The following COL25A1 variants were observed in gnomAD, a reference collection of about 807,000 sequenced individuals.
The protein encoded by COL25A1 is collagen type XXV alpha 1 chain.
A neutral mutation model predicts 128.4 loss-of-function variants in COL25A1; 103 were observed. The observed-to-expected ratio is 0.80, with a 90% CI of 0.68 to 0.94. The LOEUF is 0.94. COL25A1 is among the 40% of genes least tolerant of loss of function. COL25A1 has a pLI of 0.00. For missense variants in COL25A1, 745 were observed against 840.0 expected (o/e 0.89, Z 1.40); for synonymous variants, 279 against 277.2 (o/e 1.01, Z -0.06).
intron 19 of COL25A1, among the ~76,000 whole-genome samples, chr4:108,873,989 G>A (rs1198102001): frequency 6.6e-6 from 1 of 152,006 alleles, no homozygotes; most frequent in Non-Finnish European, 1.5e-5. Flanking sequence ...CTCCTAAAAT[G>A]TCTAGGCAAA....
rs138792346 is a variant in COL25A1, at chr4:108,976,698, C to T, written c.439-2139G>A. ...TAGGGGCCAGTGGAGGCTGCTATGT[C>T]ACTGCAGGTGGGAACGTAGCAATGC... On this transcript the variant is annotated intron_variant, in intron 6 of 37. Coordinates refer to ENST00000399132, the MANE Select transcript of COL25A1 (RefSeq NM_198721.4). Among the ~76,000 whole-genome samples, 17 of 152,330 alleles carry T rather than the reference C, an allele frequency of 1.1e-4. No homozygotes were observed. In the East Asian group the frequency reaches 3.3e-3, roughly 29 times the overall value.
At chr4:109,209,351 T>C (rs1218398008) in intron 3 of COL25A1, among the ~76,000 whole-genome samples, 1 of 151,712 alleles carries the variant, frequency 6.6e-6, no homozygotes, top group African/African-American at 2.4e-5. Flanking sequence ...AAAATGAGAG[T>C]TCCTAACATG....
chr4:109,095,879 C>T (rs1049534759), intron 3 of COL25A1, among the ~76,000 whole-genome samples: 3 of 152,046 alleles, frequency 2.0e-5, no homozygotes, highest in Non-Finnish European at 4.4e-5. Flanking sequence ...GTCCACAGCA[C>T]AAAATTAATC....
chr4:109,027,255 C>T (rs1758384704), intron 5 of COL25A1, among the ~76,000 whole-genome samples: 1 of 151,916 alleles, frequency 6.6e-6, no homozygotes, highest in African/African-American at 2.4e-5. Context: ...AATGGGAGGG[C>T]GCTATTTTAC....
At chr4:109,281,749 A>G (rs558378375) in intron 3 of COL25A1, among the ~76,000 whole-genome samples, 47 of 152,338 alleles carry the variant, frequency 3.1e-4, no homozygotes, top group African/African-American at 1.1e-3. Flanking sequence ...TGTTTATTCC[A>G]TGGTTATTAA....
chr4:109,000,699 T>C (rs1250761543), intron 6 of COL25A1, among the ~76,000 whole-genome samples: 1 of 135,958 alleles, frequency 7.4e-6, no homozygotes, highest in Non-Finnish European at 1.5e-5. Context: ...TGAGCCGATA[T>C]TGTGCCACTG....
At chr4:109,069,709 G>A (rs1762752851) in intron 3 of COL25A1, among the ~76,000 whole-genome samples, 1 of 152,082 alleles carries the variant, frequency 6.6e-6, no homozygotes, top group Non-Finnish European at 1.5e-5. Flanking sequence ...AACACTTTCT[G>A]GGCTCTCTGT....
At chr4:109,155,623 C>T (rs1407470357) in intron 3 of COL25A1, among the ~76,000 whole-genome samples, 1 of 152,180 alleles carries the variant, frequency 6.6e-6, no homozygotes, top group East Asian at 1.9e-4. Context: ...AATCTTAGAT[C>T]ATATCCTGTC....
At chr4:109,133,472 A>G (rs1340519080) in intron 3 of COL25A1, among the ~76,000 whole-genome samples, 1 of 152,172 alleles carries the variant, frequency 6.6e-6, no homozygotes, top group African/African-American at 2.4e-5. Flanking sequence ...AAATATCCAC[A>G]GTACAAATTA....
intron 3 of COL25A1, among the ~76,000 whole-genome samples, chr4:109,266,046 T>C (rs1781771564): frequency 6.6e-6 from 1 of 152,142 alleles, no homozygotes; most frequent in Admixed American, 6.6e-5. Context: ...AGGTCGACTC[T>C]TGAGGACTAA....
chr4:109,294,409 A>C (rs1184560087), intron 3 of COL25A1, among the ~76,000 whole-genome samples: 1 of 152,126 alleles, frequency 6.6e-6, no homozygotes, highest in African/African-American at 2.4e-5. Flanking sequence ...TAAAACAGTC[A>C]ATTTTAAAAT....
At chr4:109,201,240 T>TA (rs2126181346) in intron 3 of COL25A1, among the ~76,000 whole-genome samples, 1 of 152,294 alleles carries the variant, frequency 6.6e-6, no homozygotes, top group South Asian at 2.1e-4. Flanking sequence ...TGATAAAGAA[T>TA]AGAGTTTAAT....
intron 8 of COL25A1, among the ~76,000 whole-genome samples, chr4:108,961,416 T>A (rs976950324): frequency 1.3e-5 from 2 of 152,260 alleles, no homozygotes; most frequent in African/African-American, 4.8e-5. Flanking sequence ...TGTTTGATAA[T>A]TCTTAATATA....
At chr4:109,194,949 C>T (rs1775904488) in intron 3 of COL25A1, among the ~76,000 whole-genome samples, 1 of 152,096 alleles carries the variant, frequency 6.6e-6, no homozygotes, top group Non-Finnish European at 1.5e-5. Flanking sequence ...AACAACTGTA[C>T]ATTTTAAAAT....
intron 3 of COL25A1, among the ~76,000 whole-genome samples, chr4:109,142,100 G>C (rs576999609): frequency 6.6e-6 from 1 of 152,150 alleles, no homozygotes; most frequent in African/African-American, 2.4e-5. Context: ...TGCTTTAGCT[G>C]TGTCCCAGAG....
At chr4:108,835,964 C>A (rs1313040227) in intron 31 of COL25A1, among the ~76,000 whole-genome samples, 1 of 137,658 alleles carries the variant, frequency 7.3e-6, no homozygotes, top group African/African-American at 2.7e-5. Context: ...CTCTGCCTCT[C>A]GGGTTTATGC....
At chr4:108,908,848 G>T (rs185786944) in intron 13 of COL25A1, among the ~76,000 whole-genome samples, 1 of 152,276 alleles carries the variant, frequency 6.6e-6, no homozygotes, top group East Asian at 1.9e-4. Context: ...GTTCAGAGAT[G>T]ATATCATAGG....
intron 3 of COL25A1, among the ~76,000 whole-genome samples, chr4:109,129,217 C>G (rs1313492661): frequency 6.6e-6 from 1 of 152,148 alleles, no homozygotes; most frequent in Middle Eastern, 3.4e-3. Flanking sequence ...GTAACCTCCA[C>G]CTTCCAGGTT....
intron 13 of COL25A1, among the ~76,000 whole-genome samples, chr4:108,913,546 C>T (rs955231635): frequency 6.6e-6 from 1 of 152,082 alleles, no homozygotes; most frequent in Admixed American, 6.6e-5. Flanking sequence ...GCGTGAGACA[C>T]CGCACCCGAC....
Sources: allele counts gnomAD v4.1 joint callset (sites outside exome capture counted in the v4.1 genomes callset), GRCh38; gene constraint gnomAD v4.1.1; transcripts MANE v1.5; gene names NCBI Gene and HGNC (gene_info 2026-07-23, HGNC 2026-07-21).